TMEM268: variants seen among roughly 807,000 people sequenced by gnomAD.
The protein encoded by TMEM268 is transmembrane protein C9orf91.
A neutral mutation model predicts 39.1 loss-of-function variants in TMEM268; 24 were observed. The ratio of observed to expected loss-of-function variants is 0.61; its 90% CI spans 0.44 to 0.86. TMEM268 has a LOEUF of 0.86. Ranked by LOEUF, TMEM268 falls within the 40% of genes least tolerant of loss-of-function variation. The pLI is 0.00. For missense variants in TMEM268, 409 were observed against 428.6 expected, an observed-to-expected ratio of 0.95 and a Z score of 0.40; for synonymous variants, 176 against 173.5, an observed-to-expected ratio of 1.01 and a Z score of -0.12.
At chr9:114,605,538 C>G in the TMEM268 span, among the ~76,000 whole-genome samples, 8 of 152,050 alleles carry the variant, frequency 5.3e-5, no homozygotes, top group African/African-American at 1.9e-4. Context: ...AATTTAAAGC[C>G]ATAGTTTACT....
At chr9:114,643,067 G>A in intron 8 of TMEM268, 67 bp from the exon 9 acceptor site, 1 of 1,526,024 alleles carries the variant, frequency 6.6e-7, no homozygotes, top group Non-Finnish European at 9.0e-7. Context: ...CCTTCCCCTG[G>A]TGCCTAAGCC....
At chr9:114,609,379 T>C (rs538845158), upstream of TMEM268, among the ~76,000 whole-genome samples, 1 of 150,902 alleles carries the variant, frequency 6.6e-6, no homozygotes, top group South Asian at 2.1e-4. Context: ...CATCTACTTA[T>C]AGAAATGGGC....
chr9:114,629,388 A>T (rs1846294582), intron 5 of TMEM268, among the ~76,000 whole-genome samples: 1 of 152,140 alleles, frequency 6.6e-6, no homozygotes, highest in Non-Finnish European at 1.5e-5. Context: ...CCTTTTCTTC[A>T]TCTTCAAAGC....
chr9:114,642,960 A>G (rs1564304782), intron 8 of TMEM268, among the ~76,000 whole-genome samples, 174 bp from the exon 9 acceptor site: 1 of 152,126 alleles, frequency 6.6e-6, no homozygotes, highest in Admixed American at 6.5e-5. Flanking sequence ...GGGCTTCTGG[A>G]CCAGGCTGGC....
chr9:114,630,588 TAATC>T (rs1232157558), intron 5 of TMEM268, among the ~76,000 whole-genome samples: 1 of 152,212 alleles, frequency 6.6e-6, no homozygotes, highest in Non-Finnish European at 1.5e-5. Flanking sequence ...GTGAGTTACT[TAATC>T]TATCAGGGCC....
At position 114,627,024 on chromosome 9, in the gene TMEM268, C is replaced by T. The variant is rs752184747; in HGVS notation, c.324+18C>T. 16 of 1,543,048 alleles carry T rather than the reference C, an allele frequency of 1.0e-5. No individual in the cohort carries two copies. The highest frequency in any genetic ancestry group is 6.8e-5 in the East Asian group (3 of 44,182). ...TTGCTGTGGTAAGGGGGAGGTGGCC[C>T]GCACACTGACCCTGCCCTGACAGCT... On this transcript the variant is annotated intron_variant, in intron 4 of 8. Coordinates refer to ENST00000288502, the MANE Select transcript of TMEM268 (RefSeq NM_153045.4).
intron 2 of TMEM268, 109 bp downstream of exon 2, chr9:114,617,410 C>A: frequency 1.2e-6 from 1 of 829,592 alleles, no homozygotes. Flanking sequence ...GTCTTTGAGG[C>A]CATATTCTGT....
rs765791528 is a variant in TMEM268 at position 114,617,125 on chromosome 9, A to T, written c.-71A>T. ...TTGTGCTGTTTTCTGAAGGCATATG[A>T]TGCTGAGCTGGCTGCTCCAGAATGA... is the stretch of plus-strand genomic sequence containing the variant. On this transcript the variant is annotated 5_prime_UTR_variant, in exon 2 of 9. An upstream start codon of the reference 5' UTR is lost. Coordinates refer to ENST00000288502, the MANE Select transcript of TMEM268 (RefSeq NM_153045.4). The T allele has an allele frequency of 3.9e-6, 4 of 1,023,480 alleles. No individual in the cohort carries two copies. The highest frequency in any genetic ancestry group is 5.9e-6 in the Non-Finnish European group (4 of 682,874). The allele number at this position is 1,023,480 out of a possible 1,614,324, so 63.4% of individuals were successfully genotyped here. A position where few individuals can be genotyped will look rare whatever the true frequency, so the allele number is the denominator to read the frequency against.
At chr9:114,636,006 A>G (rs114047955) in intron 6 of TMEM268, among the ~76,000 whole-genome samples, 2,453 of 152,294 alleles carry the variant, frequency 0.016, 97 homozygotes, top group South Asian at 0.078. Context: ...AGTTGGCAAG[A>G]AGGCTGTGAC....
chr9:114,605,740 G>C, the TMEM268 span, among the ~76,000 whole-genome samples: 1 of 151,964 alleles, frequency 6.6e-6, no homozygotes, highest in Non-Finnish European at 1.5e-5. Flanking sequence ...GGGCAACAGG[G>C]GGAAACCCTG....
chr9:114,614,377 C>A (rs1845620257), intron 1 of TMEM268, among the ~76,000 whole-genome samples: 1 of 152,258 alleles, frequency 6.6e-6, no homozygotes, highest in Admixed American at 6.5e-5. Context: ...TGCAGTCACA[C>A]AGGGTCCCCC....
chr9:114,609,242 T>A (rs890460969), upstream of TMEM268, among the ~76,000 whole-genome samples: 31 of 150,816 alleles, frequency 2.1e-4, no homozygotes, highest in Non-Finnish European at 4.4e-5. Context: ...ACCCGGGAGG[T>A]GGAGGCTGCA....
intron 3 of TMEM268, among the ~76,000 whole-genome samples, chr9:114,624,769 T>C (rs1846089255): frequency 6.6e-6 from 1 of 152,052 alleles, no homozygotes; most frequent in Admixed American, 6.6e-5. Flanking sequence ...GTGGGAGAAA[T>C]TGGGACAGTA....
chr9:114,624,417 C>A lies in TMEM268; in HGVS notation c.174C>A (p.Asp58Glu), dbSNP rs1428391259. The part of the protein sequence containing the change: ...IDNTCAPISF[D>E]LGAAEEQLQT... ...ATACCTGTGCACCCATCTCCTTCGA[C>A]CTGGGAGCCGCAGAAGAGCAACTGC... Residue 58 changes from aspartate (D) to glutamate (E), a missense_variant, in exon 3 of 9, where the codon GAC becomes GAA. Asp to Glu is a conservative substitution (Grantham distance 45). Coordinates refer to ENST00000288502, the MANE Select transcript of TMEM268 (RefSeq NM_153045.4). 6.3e-7 allele frequency: 1 copy of A among 1,596,218 alleles called. No individual in the cohort carries two copies. The highest frequency in any genetic ancestry group is 1.3e-5 in the African/African-American group (1 of 74,810).
chr9:114,631,369 A>C (rs1482502992), intron 5 of TMEM268, among the ~76,000 whole-genome samples: 1 of 151,992 alleles, frequency 6.6e-6, no homozygotes, highest in Non-Finnish European at 1.5e-5. Flanking sequence ...GAGAAGTTCC[A>C]AGTTCCTACA....
At position 114,643,314 on chromosome 9, in the gene TMEM268, C is replaced by T. The variant is rs540919121; in HGVS notation, c.*1C>T. On this transcript the variant is annotated 3_prime_UTR_variant, in exon 9 of 9. Coordinates refer to ENST00000288502, the MANE Select transcript of TMEM268 (RefSeq NM_153045.4). ...GTGCTGCCCGTTCCTGGCGAGGTGA[C>T]CTAGGGATGAAGGTACTCATCTTCC... 3 of 1,613,892 alleles carry T rather than the reference C, an allele frequency of 1.9e-6. No individual in the cohort carries two copies. Among genetic ancestry groups the T allele is most frequent in the South Asian group, 2.2e-5 (2 of 91,054 alleles).
intron 1 of TMEM268, among the ~76,000 whole-genome samples, chr9:114,612,114 G>A (rs943363235): frequency 6.6e-6 from 1 of 152,160 alleles, no homozygotes; most frequent in Non-Finnish European, 1.5e-5. Context: ...CCCTCTTAGG[G>A]TCTCGTGTTG....
chr9:114,612,462 T>TTA (rs1157147027), intron 1 of TMEM268, among the ~76,000 whole-genome samples: 2 of 152,198 alleles, frequency 1.3e-5, no homozygotes, highest in Non-Finnish European at 2.9e-5. Context: ...ACCTTCTGTG[T>TTA]TATCCTCGGG....
upstream of TMEM268, among the ~76,000 whole-genome samples, chr9:114,607,335 G>A (rs78204542): frequency 0.014 from 2,097 of 152,270 alleles, 74 homozygotes; most frequent in East Asian, 0.11. Context: ...ACAATACCAT[G>A]TGATGGGTAT....
Sources: gnomAD v4.1 joint callset for allele counts (sites outside exome capture counted in the v4.1 genomes callset) on GRCh38, gnomAD v4.1.1 for gene constraint, MANE v1.5 for transcripts, NCBI Gene and HGNC (gene_info 2026-07-23, HGNC 2026-07-21) for gene names.